Variants in PHKA2 observed in about 807,000 individuals in gnomAD.
PHKA2 encodes phosphorylase b kinase regulatory subunit alpha, liver isoform.
A neutral mutation model predicts 102.0 loss-of-function variants in PHKA2; 31 were observed. The ratio of observed to expected loss-of-function variants is 0.30; its 90% confidence interval spans 0.23 to 0.41. The LOEUF is 0.41. Among genes scored for constraint, PHKA2 ranks in the 10% least tolerant of loss-of-function variants. PHKA2 has a pLI of 1.00. For missense variants in PHKA2, 858 were observed against 1,023.1 expected (o/e 0.84, Z 2.20); for synonymous variants, 455 against 416.2 (o/e 1.09, Z -1.13).
chrX:18,922,173 G>T (rs768039137), intron 17 of PHKA2, among the ~76,000 whole-genome samples: 98 of 111,708 alleles, frequency 8.8e-4, no homozygotes, highest in African/African-American at 3.1e-3. Flanking sequence ...TTGAACCTGG[G>T]GGGTGGAGGT....
At chrX:18,917,112 C>T (rs930918071) in intron 19 of PHKA2, among the ~76,000 whole-genome samples, 7 of 110,167 alleles carry the variant, frequency 6.4e-5, no homozygotes, top group Admixed American at 9.7e-5. Flanking sequence ...TGGACTCAAG[C>T]GATCTTCCTG....
At chrX:18,979,788 TTTAATAA>T (rs1286719781) in intron 1 of PHKA2, among the ~76,000 whole-genome samples, 5 of 110,835 alleles carry the variant, frequency 4.5e-5, no homozygotes, top group East Asian at 5.5e-4. Context: ...AATAATTTAA[TTTAATAA>T]TTAATAATTA....
intron 30 of PHKA2, chrX:18,895,735 A>C (rs926550979): frequency 1.6e-5 from 2 of 122,331 alleles, no homozygotes; most frequent in Admixed American, 1.6e-4. Flanking sequence ...TGCGCCAGTG[A>C]GTCCGAGCGG....
intron 12 of PHKA2, 42 bp from the exon 13 acceptor site, chrX:18,929,348 C>T: frequency 1.1e-6 from 1 of 891,574 alleles, no homozygotes; most frequent in Non-Finnish European, 1.6e-6. Flanking sequence ...TATTGATTAA[C>T]TAAAATTTCA....
At chrX:18,923,729 T>G (rs185015492) in intron 17 of PHKA2, among the ~76,000 whole-genome samples, 1 of 112,331 alleles carries the variant, frequency 8.9e-6, no homozygotes, top group Non-Finnish European at 1.9e-5. Context: ...AGTATTTTCT[T>G]CCACACCTTT....
intron 14 of PHKA2, 28 bp from the exon 15 acceptor site, chrX:18,925,805 A>C: frequency 1.0e-6 from 1 of 986,064 alleles, no homozygotes; most frequent in Non-Finnish European, 1.4e-6. Flanking sequence ...GATAAATTGG[A>C]GTTAGAGGAA....
At position 18,926,434 on chromosome X, in the gene PHKA2, G is replaced by A. The variant is rs750308965; in HGVS notation, c.1459+19C>T. 5 of 1,190,402 alleles carry A rather than the reference G, an allele frequency of 4.2e-6. No individual in the cohort carries two copies. Among genetic ancestry groups the A allele is most frequent in the Non-Finnish European group, 5.7e-6 (5 of 877,252 alleles). ...ATGCCCCCATGCCAAAAAGGCCCAG[G>A]TAATTTCCCCAAACCTACCAAGCTT... On this transcript the variant is annotated intron_variant, in intron 14 of 32. Transcript: ENST00000379942.
chrX:18,982,175 A>G (rs1354081202), intron 1 of PHKA2, among the ~76,000 whole-genome samples: 1 of 111,749 alleles, frequency 8.9e-6, no homozygotes, highest in African/African-American at 3.3e-5. Context: ...GGACTCCTCT[A>G]CTGCTCCCAC....
chrX:18,924,240 G>A, intron 16 of PHKA2, 106 bp from the exon 17 acceptor site: 1 of 912,091 alleles, frequency 1.1e-6, no homozygotes, highest in Non-Finnish European at 1.6e-6. Context: ...TTCTGGCATA[G>A]AAGATTCCCG....
intron 19 of PHKA2, among the ~76,000 whole-genome samples, chrX:18,917,705 A>G (rs2048044241): frequency 1.8e-5 from 2 of 111,262 alleles, no homozygotes; most frequent in Admixed American, 1.9e-4. Flanking sequence ...CATGTCCTCT[A>G]TTAAAATAAG....
At chrX:18,932,946 T>C (rs2048339009) in intron 11 of PHKA2, among the ~76,000 whole-genome samples, 1 of 110,756 alleles carries the variant, frequency 9.0e-6, no homozygotes, top group South Asian at 3.8e-4. Context: ...AAACCCTGTC[T>C]CTACTAAAAA....
chrX:18,957,181 G>A (rs1292171009), intron 1 of PHKA2, among the ~76,000 whole-genome samples: 2 of 112,817 alleles, frequency 1.8e-5, no homozygotes, highest in Non-Finnish European at 3.7e-5. Flanking sequence ...TGGGATTACA[G>A]GCAAGAGCCA....
intron 1 of PHKA2, among the ~76,000 whole-genome samples, chrX:18,971,098 T>C (rs1313044620): frequency 1.8e-5 from 2 of 112,620 alleles, no homozygotes; most frequent in Non-Finnish European, 3.8e-5. Flanking sequence ...TGGACTGTTA[T>C]ATGTGTACAA....
chrX:18,970,228 C>T (rs1416030605), intron 1 of PHKA2, among the ~76,000 whole-genome samples: 1 of 111,922 alleles, frequency 8.9e-6, no homozygotes, highest in East Asian at 2.8e-4. Context: ...GACAGTGATA[C>T]CCTGTCTCAT....
chrX:18,931,394 G>A (rs1039591952), intron 12 of PHKA2, among the ~76,000 whole-genome samples: 3 of 111,965 alleles, frequency 2.7e-5, no homozygotes, highest in African/African-American at 9.8e-5. Context: ...TAGCCACAGA[G>A]GAAGAATGCT....
chrX:18,978,699 C>A (rs767259793), intron 1 of PHKA2, among the ~76,000 whole-genome samples: 2 of 110,719 alleles, frequency 1.8e-5, no homozygotes, highest in Admixed American at 9.6e-5. Flanking sequence ...GGTGACAGAG[C>A]GAGACTCTGT....
rs754669719 is a variant in PHKA2 at position 18,907,892 on chromosome X, G to A, written c.2517+8C>T. The stretch of plus-strand genomic sequence containing the variant: ...GCACACATGGGCAGCCTGCACAGTC[G>A]CACTGACCTCAGCCAGGACCTCCAC... On this transcript the variant is annotated splice_region_variant and intron_variant, in intron 22 of 32. Coordinates refer to ENST00000379942, the MANE Select transcript of PHKA2 (RefSeq NM_000292.3). The A allele has an allele frequency of 4.5e-5, 54 of 1,207,675 alleles. No homozygotes were observed. The highest frequency in any genetic ancestry group is 5.1e-5 in the Non-Finnish European group (46 of 893,655).
chrX:18,929,211 TA>T lies in PHKA2; in HGVS notation c.1324+16del. The T allele has an allele frequency of 9.3e-7, 1 of 1,071,137 alleles. No individual in the cohort carries two copies. The highest frequency in any genetic ancestry group is 1.3e-6 in the Non-Finnish European group (1 of 782,773). 88.3% of individuals were successfully genotyped at this position (1,071,137 alleles called of 1,213,427 possible). A position where few individuals can be genotyped will look rare whatever the true frequency, so the allele number is the denominator to read the frequency against. On this transcript the variant is annotated intron_variant, in intron 13 of 32. Coordinates refer to ENST00000379942, the MANE Select transcript of PHKA2 (RefSeq NM_000292.3). ...GTTTTACAAAGTTAAATATGAACAGTAAACACGCTCACAAACCTTGTACTAC... is the reference window on the plus strand; with the variant it reads ...GTTTTACAAAGTTAAATATGAACAGTAACACGCTCACAAACCTTGTACTAC...
rs749749297 is a variant in PHKA2, at chrX:18,943,860, A to G, written c.619-52T>C. On this transcript the variant is annotated intron_variant, in intron 6 of 32. Coordinates refer to ENST00000379942, the MANE Select transcript of PHKA2 (RefSeq NM_000292.3). Reference sequence around the variant, plus strand: ...TTCTTTCTAATAAACATACACTCCAATATCTGGTGTTCCTTTTTCATTAAG... The same window carrying G: ...TTCTTTCTAATAAACATACACTCCAGTATCTGGTGTTCCTTTTTCATTAAG... The G allele has an allele frequency of 7.2e-6, 6 of 838,958 alleles. No individual in the cohort carries two copies. The South Asian group carries it at 8.1e-5, about 11-fold the overall frequency. 69.1% of individuals were successfully genotyped at this position (838,958 alleles called of 1,213,427 possible).
Sources: gnomAD v4.1 joint callset for allele counts (sites outside exome capture counted in the v4.1 genomes callset) on GRCh38, gnomAD v4.1.1 for gene constraint, MANE v1.5 for transcripts, NCBI Gene and HGNC (gene_info 2026-07-23, HGNC 2026-07-21) for gene names.